ATP8B4: variants seen among roughly 807,000 people sequenced by gnomAD.
ATP8B4 encodes probable phospholipid-transporting ATPase IM.
A neutral mutation model predicts 145.6 loss-of-function variants in ATP8B4; 133 were observed. That is an observed-to-expected ratio of 0.91 (90% CI 0.79 to 1.05). The LOEUF (loss-of-function observed/expected upper bound fraction) is 1.05, where lower values mean the gene tolerates loss of function less well. Ranked by LOEUF, ATP8B4 falls within the 50% of genes least tolerant of loss-of-function variation. The probability of loss-of-function intolerance (pLI) is 0.00; values close to 1 mark genes in which losing one functional copy is unlikely to be tolerated. For missense variants in ATP8B4, 1,458 were observed against 1,425.2 expected (o/e 1.02, Z -0.37); for synonymous variants, 507 against 492.9 (o/e 1.03, Z -0.38).
chr15:49,876,168 A>T (rs551401517), intron 25 of ATP8B4, 110 bp downstream of exon 25: 1 of 1,397,916 alleles, frequency 7.2e-7, no homozygotes, highest in African/African-American at 1.4e-5. Flanking sequence ...GGACAGCCCC[A>T]GTATTCCTTT....
intron 17 of ATP8B4, among the ~76,000 whole-genome samples, chr15:49,921,124 G>C (rs1313052634): frequency 6.6e-6 from 1 of 152,114 alleles, no homozygotes; most frequent in African/African-American, 2.4e-5. Context: ...AGCTAATATA[G>C]GTGGTTGCTT....
chr15:50,045,736 T>C (rs2051663743), intron 4 of ATP8B4, among the ~76,000 whole-genome samples: 1 of 152,216 alleles, frequency 6.6e-6, no homozygotes, highest in African/African-American at 2.4e-5. Flanking sequence ...CTGGGTCTAA[T>C]TTCTTCAGCA....
At chr15:50,034,458 G>C (rs776446017) in intron 6 of ATP8B4, among the ~76,000 whole-genome samples, 1 of 152,056 alleles carries the variant, frequency 6.6e-6, no homozygotes, top group Admixed American at 6.6e-5. Context: ...TCAAACTCCT[G>C]ATCTCAGGTT....
At chr15:50,014,335 A>G (rs1190254109) in intron 6 of ATP8B4, among the ~76,000 whole-genome samples, 1 of 152,160 alleles carries the variant, frequency 6.6e-6, no homozygotes, top group East Asian at 1.9e-4. Context: ...TTTTTTGTTC[A>G]CCACTCCATC....
intron 1 of ATP8B4, among the ~76,000 whole-genome samples, chr15:50,151,355 G>A (rs2044344876): frequency 6.6e-6 from 1 of 152,160 alleles, no homozygotes; most frequent in Admixed American, 6.5e-5. Flanking sequence ...GCCAAACCAA[G>A]GCAGATTTAG....
intron 6 of ATP8B4, among the ~76,000 whole-genome samples, chr15:50,020,426 T>C (rs1415446159): frequency 1.3e-5 from 2 of 151,750 alleles, no homozygotes; most frequent in East Asian, 3.9e-4. Flanking sequence ...CCCACCACCA[T>C]GCCTGGCTAA....
intron 2 of ATP8B4, among the ~76,000 whole-genome samples, chr15:50,099,932 G>GGCTGA (rs1350623952): frequency 6.6e-6 from 1 of 151,664 alleles, no homozygotes; most frequent in African/African-American, 2.4e-5. Flanking sequence ...CTACTTGGGA[G>GGCTGA]GCTGAGGCAG....
chr15:50,064,380 A>C (rs1422744445), intron 3 of ATP8B4, among the ~76,000 whole-genome samples: 1 of 152,152 alleles, frequency 6.6e-6, no homozygotes, highest in Non-Finnish European at 1.5e-5. Context: ...CTAGAGATTT[A>C]GATCAACAGT....
At chr15:50,159,153 T>C (rs1017573512) in intron 1 of ATP8B4, among the ~76,000 whole-genome samples, 6 of 152,242 alleles carry the variant, frequency 3.9e-5, no homozygotes, top group African/African-American at 1.4e-4. Context: ...ATATCTTTCC[T>C]TTTTTGTGTC....
chr15:49,978,158 A>G (rs2153530291), intron 12 of ATP8B4, among the ~76,000 whole-genome samples: 1 of 152,362 alleles, frequency 6.6e-6, no homozygotes, highest in South Asian at 2.1e-4. Context: ...TTGTGAGGAC[A>G]TATGAAACTG....
chr15:49,968,604 G>A (rs2044781452), intron 13 of ATP8B4, among the ~76,000 whole-genome samples: 1 of 152,030 alleles, frequency 6.6e-6, no homozygotes, highest in Non-Finnish European at 1.5e-5. Flanking sequence ...TCCAATACAG[G>A]AGCACCCAGA....
chr15:50,022,944 A>T (rs2049697828), intron 6 of ATP8B4, among the ~76,000 whole-genome samples: 1 of 151,888 alleles, frequency 6.6e-6, no homozygotes, highest in Non-Finnish European at 1.5e-5. Context: ...TTGTTTTTCT[A>T]CTCCCTGGAT....
intron 16 of ATP8B4, among the ~76,000 whole-genome samples, chr15:49,929,959 A>G (rs1339790621): frequency 2.6e-5 from 4 of 152,116 alleles, no homozygotes. Context: ...AAAGGCAAGA[A>G]GCAAAAACTG....
rs117898596 is a variant in ATP8B4 at position 50,143,393 on chromosome 15, G to A, written c.-42-36385C>T. The stretch of plus-strand genomic sequence containing the variant: ...CATGGTGGGCACATTGGTGCTGACT[G>A]TTGAGTAAAGACCTCAGCTTCTCTC... On this transcript the variant is annotated intron_variant, in intron 1 of 3. Transcript: ENST00000558829. Among the ~76,000 whole-genome samples, 182 of 152,372 alleles carry A rather than the reference G, an allele frequency of 1.2e-3. 5 individuals are homozygous for A. In the East Asian group the frequency reaches 0.035, roughly 29 times the overall value.
chr15:50,015,168 A>T (rs1274830248), intron 6 of ATP8B4, among the ~76,000 whole-genome samples: 1 of 152,216 alleles, frequency 6.6e-6, no homozygotes, highest in Non-Finnish European at 1.5e-5. Flanking sequence ...TGCATGTAGG[A>T]TATATTATAC....
intron 3 of ATP8B4, among the ~76,000 whole-genome samples, chr15:50,065,813 A>T (rs2153628054): frequency 1.3e-5 from 2 of 152,218 alleles, no homozygotes; most frequent in South Asian, 4.1e-4. Flanking sequence ...AAATAAGCCA[A>T]ATCTGTTTTT....
At chr15:50,026,454 G>T (rs1186902441) in intron 6 of ATP8B4, among the ~76,000 whole-genome samples, 1 of 152,180 alleles carries the variant, frequency 6.6e-6, no homozygotes, top group Non-Finnish European at 1.5e-5. Context: ...GATGCAGGTG[G>T]TCCTCAGACC....
At chr15:50,129,063 G>T (rs576419205) in intron 1 of ATP8B4, among the ~76,000 whole-genome samples, 1 of 152,014 alleles carries the variant, frequency 6.6e-6, no homozygotes. Context: ...GCGAGACTCC[G>T]TCTCAAAAAA....
At chr15:49,863,416 C>G (rs532686286) in intron 26 of ATP8B4, among the ~76,000 whole-genome samples, 34 of 152,326 alleles carry the variant, frequency 2.2e-4, no homozygotes, top group African/African-American at 7.7e-4. Context: ...CAATACGGGT[C>G]AGTAAGGCAG....
Sources: gnomAD v4.1 joint callset for allele counts (sites outside exome capture counted in the v4.1 genomes callset) on GRCh38, gnomAD v4.1.1 for gene constraint, MANE v1.5 for transcripts, NCBI Gene and HGNC (gene_info 2026-07-23, HGNC 2026-07-21) for gene names.